The following GRID1 variants were observed in gnomAD, a reference collection of about 807,000 sequenced individuals.
The protein encoded by GRID1 is glutamate receptor ionotropic, delta-1.
Under a neutral mutation model 98.0 loss-of-function variants are expected in GRID1, and 28 were observed. The observed-to-expected ratio is 0.29, with a 90% confidence interval of 0.21 to 0.39. The LOEUF (loss-of-function observed/expected upper bound fraction) is 0.39. GRID1 is among the 10% of genes least tolerant of loss of function. The pLI is 1.00. For missense variants in GRID1, 1,111 were observed against 1,340.5 expected (o/e 0.83, Z 2.67); for synonymous variants, 553 against 538.5 (o/e 1.03, Z -0.37).
chr10:85,786,582 C>A (rs1199982997), intron 8 of GRID1, among the ~76,000 whole-genome samples: 1 of 152,242 alleles, frequency 6.6e-6, no homozygotes, highest in African/African-American at 2.4e-5. Context: ...TTCTCCCCGA[C>A]ATCCCTCCCA....
At chr10:85,928,557 G>A (rs1030501475) in intron 4 of GRID1, among the ~76,000 whole-genome samples, 4 of 152,234 alleles carry the variant, frequency 2.6e-5, no homozygotes, top group Non-Finnish European at 4.4e-5. Flanking sequence ...TGGCACGACA[G>A]GAAGCTCCCT....
chr10:85,680,921 G>T (rs968889948), intron 12 of GRID1, among the ~76,000 whole-genome samples: 9 of 152,154 alleles, frequency 5.9e-5, no homozygotes, highest in Admixed American at 5.2e-4. Flanking sequence ...ACTTACAAGT[G>T]AGAGCTAAAT....
At chr10:86,293,451 T>A (rs1337152232) in intron 2 of GRID1, among the ~76,000 whole-genome samples, 1 of 152,092 alleles carries the variant, frequency 6.6e-6, no homozygotes, top group Admixed American at 6.5e-5. Flanking sequence ...GGGGATGGGG[T>A]AGGCATAGAA....
intron 2 of GRID1, among the ~76,000 whole-genome samples, chr10:86,286,981 G>A (rs1393405851): frequency 6.6e-6 from 1 of 152,166 alleles, no homozygotes; most frequent in Non-Finnish European, 1.5e-5. Context: ...TTGCTCCTAT[G>A]AGCCATGCTC....
intron 8 of GRID1, among the ~76,000 whole-genome samples, chr10:85,851,211 A>T (rs1162402986): frequency 1.3e-5 from 2 of 151,536 alleles, no homozygotes; most frequent in Non-Finnish European, 2.9e-5. Context: ...AGCATATACC[A>T]CCCCCCACCC....
intron 3 of GRID1, among the ~76,000 whole-genome samples, chr10:86,198,603 C>T (rs1040622302): frequency 6.6e-5 from 10 of 152,120 alleles, no homozygotes; most frequent in African/African-American, 9.7e-5. Flanking sequence ...AGTATTGTAT[C>T]GCAATTTTAC....
At position 85,603,759 on chromosome 10, in the gene GRID1, A is replaced by T. The variant is rs533716155; in HGVS notation, c.2602-1058T>A. On this transcript the variant is annotated intron_variant, in intron 15 of 15. Coordinates refer to ENST00000327946, the MANE Select transcript of GRID1 (RefSeq NM_017551.3). ...CAGCATGGGTGCTGATGCGCCAGGG[A>T]ATGTGGTGACCTTTCCCTCACCTCA... is the stretch of plus-strand genomic sequence containing the variant. Among the ~76,000 whole-genome samples the T allele has an allele frequency of 3.3e-5, 5 of 152,210 alleles. No homozygotes were observed. The East Asian group carries it at 7.8e-4, about 24-fold the overall frequency.
At chr10:86,334,542 T>G (rs1359021018) in intron 2 of GRID1, among the ~76,000 whole-genome samples, 1 of 152,196 alleles carries the variant, frequency 6.6e-6, no homozygotes, top group Non-Finnish European at 1.5e-5. Flanking sequence ...CCACACCTTT[T>G]TACCTGAAGT....
At chr10:85,686,486 T>C (rs114051397) in intron 12 of GRID1, among the ~76,000 whole-genome samples, 7,875 of 152,264 alleles carry the variant, frequency 0.052, 244 homozygotes, top group Middle Eastern at 0.094. Context: ...TATGGTTGTA[T>C]AGTTAAAATA....
chr10:85,776,214 G>T (rs1025631742), intron 8 of GRID1, among the ~76,000 whole-genome samples: 1 of 152,128 alleles, frequency 6.6e-6, no homozygotes, highest in Admixed American at 6.5e-5. Flanking sequence ...AGACTACAAA[G>T]ATAAGCAAGC....
At chr10:85,656,397 G>T (rs1457470289) in intron 12 of GRID1, among the ~76,000 whole-genome samples, 1 of 152,142 alleles carries the variant, frequency 6.6e-6, no homozygotes, top group Admixed American at 6.5e-5. Context: ...TCCCTGGGTT[G>T]CAGGACTTTT....
chr10:85,817,518 T>A (rs1266530348), intron 8 of GRID1, among the ~76,000 whole-genome samples: 1 of 151,874 alleles, frequency 6.6e-6, no homozygotes, highest in Non-Finnish European at 1.5e-5. Flanking sequence ...AGAGCAAGAC[T>A]CTATCTCAAT....
chr10:85,898,569 T>C (rs991142423), intron 5 of GRID1, among the ~76,000 whole-genome samples: 4 of 152,170 alleles, frequency 2.6e-5, no homozygotes, highest in African/African-American at 7.2e-5. Flanking sequence ...TATATACTTA[T>C]TCTATAAGCT....
intron 3 of GRID1, among the ~76,000 whole-genome samples, chr10:86,140,630 G>C (rs1409781147): frequency 1.3e-5 from 2 of 152,126 alleles, no homozygotes; most frequent in African/African-American, 4.8e-5. Context: ...TGTGCACAGG[G>C]CCCCCCTTAC....
chr10:86,245,904 T>C (rs1846718927), intron 2 of GRID1, among the ~76,000 whole-genome samples: 1 of 152,228 alleles, frequency 6.6e-6, no homozygotes. Context: ...GGAACCCTCA[T>C]GGTCCCCATT....
chr10:86,366,440 G>A lies in GRID1; in HGVS notation c.-48C>T, dbSNP rs1848682046. ...CCACCCGGGCCCGGGGCGAGGCCGA[G>A]GGCAGCGCGAAGCGGGGAGGCGCTG... On this transcript the variant is annotated 5_prime_UTR_variant, in exon 1 of 16. Coordinates refer to ENST00000327946, the MANE Select transcript of GRID1 (RefSeq NM_017551.3). This position sits in a 1 kb window ranked among gnomAD's most constrained non-coding sequence, Gnocchi z 4.1. 4 of 1,370,918 alleles carry A rather than the reference G, an allele frequency of 2.9e-6. No homozygotes were observed. The South Asian group carries it at 4.1e-5, about 14-fold the overall frequency. The allele number at this position is 1,370,918 out of a possible 1,614,324, so 84.9% of individuals were successfully genotyped here.
Position 85,916,110 on chromosome 10 carries a change from A to C in GRID1, c.780+76T>G. The C allele has an allele frequency of 1.8e-6, 2 of 1,141,248 alleles. No homozygotes were observed. The highest frequency in any genetic ancestry group is 1.3e-6 in the Non-Finnish European group (1 of 758,232). The allele number at this position is 1,141,248 out of a possible 1,614,324, so 70.7% of individuals were successfully genotyped here. A position where few individuals can be genotyped will look rare whatever the true frequency, so the allele number is the denominator to read the frequency against. On this transcript the variant is annotated intron_variant, in intron 5 of 15. Coordinates refer to ENST00000327946, the MANE Select transcript of GRID1 (RefSeq NM_017551.3). The surrounding 1 kb of genome is among the most constrained non-coding windows in gnomAD (Gnocchi z 4.0). ...GCCCCCTAAGTCAGAATTGAACTGA[A>C]AAGAATCACACTGAGCTTTACAAGG...
intron 8 of GRID1, among the ~76,000 whole-genome samples, chr10:85,813,065 T>C (rs555655661): frequency 6.6e-6 from 1 of 151,726 alleles, no homozygotes; most frequent in African/African-American, 2.4e-5. Context: ...GGGGAAAAGA[T>C]TGAAAAAGAA....
At chr10:85,811,135 T>G (rs1226959206) in intron 8 of GRID1, among the ~76,000 whole-genome samples, 2 of 152,094 alleles carry the variant, frequency 1.3e-5, no homozygotes, top group Non-Finnish European at 2.9e-5. Flanking sequence ...CAAACATCAC[T>G]AACATGGATT....
Sources: gnomAD v4.1 joint callset for allele counts (sites outside exome capture counted in the v4.1 genomes callset) on GRCh38, gnomAD v4.1.1 for gene constraint, Gnocchi (gnomAD v3.1) non-coding constraint, MANE v1.5 for transcripts, NCBI Gene and HGNC (gene_info 2026-07-23, HGNC 2026-07-21) for gene names.